PPM1M: variants seen among roughly 807,000 people sequenced by gnomAD.
The protein encoded by PPM1M is protein phosphatase, Mg2+/Mn2+ dependent 1M.
PPM1M carries 44 observed loss-of-function variants against 50.8 expected under a neutral mutation model. The observed-to-expected ratio is 0.87, with a 90% CI of 0.68 to 1.11. PPM1M has a LOEUF of 1.11. PPM1M is among the 50% of genes most tolerant of loss of function. The pLI, the probability that PPM1M is intolerant of heterozygous loss-of-function variation, is 0.00. For missense variants in PPM1M, 556 were observed against 593.4 expected (o/e 0.94, Z 0.66); for synonymous variants, 224 against 242.9 (o/e 0.92, Z 0.72).
Position 52,247,686 on chromosome 3 carries a change from A to G in PPM1M, c.602A>G (p.Glu201Gly), listed in dbSNP as rs1026263209. 11 of 1,595,824 alleles carry G rather than the reference A, an allele frequency of 6.9e-6. No individual in the cohort carries two copies. In the African/African-American group the frequency reaches 9.4e-5, roughly 14 times the overall value. The change falls in exon 4 of 10, where the codon GAG (glutamate) becomes GGG (glycine). Residue 201 changes from glutamate (E) to glycine (G), a missense_variant. Transcript: ENST00000323588. ...ALESAFQECD[E>G]VIGRELEASG... ...GGTGGCCTCGGTTTTCCCCAGGATGAGGTGATCGGGCGGGAGCTGGAGGCC... is the reference window on the plus strand; with the variant it reads ...GGTGGCCTCGGTTTTCCCCAGGATGGGGTGATCGGGCGGGAGCTGGAGGCC...
chr3:52,246,885 T>TA (rs1699866163), intron 2 of PPM1M, 73 bp downstream of exon 2: 1 of 1,507,246 alleles, frequency 6.6e-7, no homozygotes, highest in African/African-American at 1.4e-5. Context: ...CTGAGGTTCT[T>TA]ACCCTGCTGC....
At position 52,247,757 on chromosome 3, in the gene PPM1M, C is replaced by T; in HGVS notation, c.673C>T (p.Gln225Ter). Reference sequence around the variant, plus strand: ...CACAGCCCTGGTGGCTGTGTCCCTGCAGGGAAAGCTGTACATGGCCAATGC... The same window carrying T: ...CACAGCCCTGGTGGCTGTGTCCCTGTAGGGAAAGCTGTACATGGCCAATGC... ...GCTALVAVSL[Q>*]GKLYMANAGD... Residue 225 changes from glutamine to a stop codon, truncating the protein, a stop_gained, in exon 4 of 10, where the codon CAG becomes TAG. Transcript: ENST00000323588. LOFTEE classifies it high-confidence loss of function. The T allele has an allele frequency of 5.6e-6, 9 of 1,603,098 alleles. No homozygotes were observed. The highest frequency in any genetic ancestry group is 2.2e-5 in the South Asian group (2 of 89,384).
chr3:52,248,062 C>A (rs73835763), intron 4 of PPM1M, 91 bp from the exon 5 acceptor site: 2 of 1,100,484 alleles, frequency 1.8e-6, no homozygotes, highest in Non-Finnish European at 2.7e-6. Context: ...AGAGCTGGAT[C>A]CTGGTGGTTG....
chr3:52,246,872 A>G lies in PPM1M; in HGVS notation c.342+60A>G, dbSNP rs1699865908. ...CCGACAGGCTGGGGCCACGACCTGC[A>G]GGCTGAGGTTCTTACCCTGCTGCCC... On this transcript the variant is annotated intron_variant, in intron 2 of 9. Coordinates refer to ENST00000323588, the MANE Select transcript of PPM1M (RefSeq NM_144641.4). 9 of 1,495,974 alleles carry G rather than the reference A, an allele frequency of 6.0e-6. No homozygotes were observed. The South Asian group carries it at 1.1e-4, about 18-fold the overall frequency. 92.7% of individuals were successfully genotyped at this position (1,495,974 alleles called of 1,614,324 possible).
chr3:52,250,183 G>A lies in PPM1M; in HGVS notation c.*369G>A. On this transcript the variant is annotated 3_prime_UTR_variant, in exon 10 of 10. Coordinates refer to ENST00000323588, the MANE Select transcript of PPM1M (RefSeq NM_144641.4). ...GTATTAGCCAAAGATGCCAGGATGG[G>A]TAGCTAGCCCATGTTTAGATCCAGG... The A allele has an allele frequency of 5.0e-6, 1 of 200,834 alleles. No homozygotes were observed. The highest frequency in any genetic ancestry group is 5.0e-5 in the Admixed American group (1 of 19,952). 12.4% of individuals were successfully genotyped at this position (200,834 alleles called of 1,614,324 possible).
intron 4 of PPM1M, 133 bp downstream of exon 4, chr3:52,247,927 A>G (rs1490995620): frequency 1.1e-5 from 8 of 753,068 alleles, no homozygotes; most frequent in South Asian, 1.6e-5. Flanking sequence ...TGTACTTGTT[A>G]TGTGTCGAGT....
chr3:52,249,919 C>A lies in PPM1M; in HGVS notation c.*105C>A. 9.9e-7 allele frequency: 1 copy of A among 1,013,358 alleles called. No homozygotes were observed. Among genetic ancestry groups the A allele is most frequent in the East Asian group, 2.6e-5 (1 of 38,240 alleles). The allele number at this position is 1,013,358 out of a possible 1,614,324, so 62.8% of individuals were successfully genotyped here. A position where few individuals can be genotyped will look rare whatever the true frequency, so the allele number is the denominator to read the frequency against. ...TCCTGCCTGCCCTATCCCTAGCCAC[C>A]GCCCAGTGCTCTCACTATCCACCTC... On this transcript the variant is annotated 3_prime_UTR_variant, in exon 10 of 10. Coordinates refer to ENST00000323588, the MANE Select transcript of PPM1M (RefSeq NM_144641.4).
chr3:52,246,647 G>GGACATA, intron 1 of PPM1M, 48 bp from the exon 2 acceptor site: 1 of 1,215,568 alleles, frequency 8.2e-7, no homozygotes, highest in Non-Finnish European at 1.1e-6. Context: ...GTGCCCATGG[G>GGACATA]GACATAGGTG....
In PPM1M at chr3:52,248,833, C is replaced by G; in HGVS notation, c.979-123C>G. On this transcript the variant is annotated intron_variant, in intron 7 of 9. Coordinates refer to ENST00000323588, the MANE Select transcript of PPM1M (RefSeq NM_144641.4). ...TGCTCTGAGACTAGGAATTTTCTCT[C>G]TCAGTCCAAGGCTTCCAAGGGCCAC... 2.3e-6 allele frequency: 3 copies of G among 1,302,642 alleles called. No individual in the cohort carries two copies. In the South Asian group the frequency reaches 3.7e-5, roughly 16 times the overall value. The allele number at this position is 1,302,642 out of a possible 1,614,324, so 80.7% of individuals were successfully genotyped here.
rs1699861670 is a variant in PPM1M, at chr3:52,246,693, A to G, written c.225-2A>G. 7.7e-7 allele frequency: 1 copy of G among 1,305,334 alleles called. No homozygotes were observed. Among genetic ancestry groups the G allele is most frequent in the Non-Finnish European group, 1.0e-6 (1 of 989,314 alleles). 80.9% of individuals were successfully genotyped at this position (1,305,334 alleles called of 1,614,324 possible). On this transcript the variant is annotated splice_acceptor_variant, in intron 1 of 9. Transcript: ENST00000323588. LOFTEE classifies it high-confidence loss of function. ...GGGTCGCTTACCATTTCCCGGCCTC[A>G]GGATTATCAATGCAGAGAAATCTGA... is the stretch of plus-strand genomic sequence containing the variant.
chr3:52,248,299 A>G (rs201016362), intron 5 of PPM1M, 36 bp from the exon 6 acceptor site: 207 of 1,604,452 alleles, frequency 1.3e-4, no homozygotes, highest in Admixed American at 5.1e-5. Flanking sequence ...GGGCCATAAG[A>G]AGGAGTATGA....
chr3:52,249,758 G>T lies in PPM1M; in HGVS notation c.1324G>T (p.Val442Phe). The T allele has an allele frequency of 1.2e-6, 2 of 1,613,914 alleles. No individual in the cohort carries two copies. The change falls in exon 10 of 10, where the codon GTC becomes TTC. Residue 442 changes from valine to phenylalanine, a missense_variant. Val to Phe is a conservative substitution (Grantham distance 50). Coordinates refer to ENST00000323588, the MANE Select transcript of PPM1M (RefSeq NM_144641.4). ...GGAAGGGCAGGTGTCCTACGATGAC[G>T]TCTCTGTGTTCGTGATTCCCTTGCA... is the stretch of plus-strand genomic sequence containing the variant. ...TEEGQVSYDD[V>F]SVFVIPLHSQ...
chr3:52,246,345 T>G, intron 1 of PPM1M: 1 of 1,039,882 alleles, frequency 9.6e-7, no homozygotes, highest in Non-Finnish European at 1.2e-6. Context: ...GCTTTGGAGA[T>G]TTCCCCTCGC....
chr3:52,246,892 C>A, intron 2 of PPM1M, 80 bp downstream of exon 2: 1 of 1,510,986 alleles, frequency 6.6e-7, no homozygotes. Context: ...TCTTACCCTG[C>A]TGCCCCAGGT....
At chr3:52,248,055 G>A in intron 4 of PPM1M, 98 bp from the exon 5 acceptor site, 2 of 1,058,498 alleles carry the variant, frequency 1.9e-6, no homozygotes, top group Non-Finnish European at 2.9e-6. Context: ...CATGGACAGA[G>A]CTGGATCCTG....
In PPM1M at chr3:52,249,898, G is replaced by C. The variant is rs1699935003; in HGVS notation, c.*84G>C. 3 of 1,353,942 alleles carry C rather than the reference G, an allele frequency of 2.2e-6. No individual in the cohort carries two copies. The highest frequency in any genetic ancestry group is 3.1e-6 in the Non-Finnish European group (3 of 980,158). The allele number at this position is 1,353,942 out of a possible 1,614,324, so 83.9% of individuals were successfully genotyped here. A position where few individuals can be genotyped will look rare whatever the true frequency, so the allele number is the denominator to read the frequency against. On this transcript the variant is annotated 3_prime_UTR_variant, in exon 10 of 10. Transcript: ENST00000323588. The stretch of plus-strand genomic sequence containing the variant: ...TCCAGTGTGACCAAGAGCAAATCCT[G>C]CCTGCCCTATCCCTAGCCACCGCCC...
chr3:52,248,072 G>A, intron 4 of PPM1M, 81 bp from the exon 5 acceptor site: 3 of 1,199,180 alleles, frequency 2.5e-6, no homozygotes, highest in Non-Finnish European at 3.6e-6. Context: ...CCTGGTGGTT[G>A]GAGGAGGGAC....
intron 4 of PPM1M, 134 bp downstream of exon 4, chr3:52,247,928 T>C (rs1400719834): frequency 2.7e-6 from 2 of 745,018 alleles, no homozygotes; most frequent in Admixed American, 2.1e-5. Flanking sequence ...GTACTTGTTA[T>C]GTGTCGAGTG....
intron 1 of PPM1M, chr3:52,246,439 T>C (rs1699857936): frequency 1.7e-5 from 15 of 907,608 alleles, no homozygotes; most frequent in Non-Finnish European, 2.2e-5. Flanking sequence ...GGGGCAGGAA[T>C]GGCAACCTAC....
Sources: allele counts gnomAD v4.1 joint callset, GRCh38; gene constraint gnomAD v4.1.1; transcripts MANE v1.5; gene names NCBI Gene and HGNC (gene_info 2026-07-23, HGNC 2026-07-21).